The following ABCC9 variants were observed in gnomAD, a reference collection of about 807,000 sequenced individuals.
ABCC9 encodes the protein ATP-binding cassette sub-family C member 9.
ABCC9 carries 95 observed loss-of-function variants against 188.3 expected under a neutral mutation model. The observed-to-expected ratio is 0.50, with a 90% confidence interval of 0.43 to 0.60. ABCC9 has a LOEUF of 0.60. Among genes scored for constraint, ABCC9 ranks in the 20% least tolerant of loss-of-function variants. The pLI, the probability that ABCC9 is intolerant of heterozygous loss-of-function variation, is 0.00. For synonymous variants in ABCC9, 659 were observed against 652.7 expected (o/e 1.01, Z -0.15); for missense variants, 1,102 against 1,876.3 (o/e 0.59, Z 7.62).
Position 21,797,948 on chromosome 12 carries a change from C to T in ABCC9, c.*3096G>A, listed in dbSNP as rs1460891974. 1.3e-5 allele frequency: 2 copies of T among 152,054 alleles called. No individual in the cohort carries two copies. The highest frequency in any genetic ancestry group is 2.9e-5 in the Non-Finnish European group (2 of 67,996). The allele number at this position is 152,054 out of a possible 1,614,324, so 9.4% of individuals were successfully genotyped here. A position where few individuals can be genotyped will look rare whatever the true frequency, so the allele number is the denominator to read the frequency against. On this transcript the variant is annotated 3_prime_UTR_variant, in exon 40 of 40. Transcript: ENST00000261200. Reference sequence around the variant, plus strand: ...ATTTAGTTAAGGTGGTCATCTTTTACAGATATGTACCTATATAGTCAAATA... The same window carrying T: ...ATTTAGTTAAGGTGGTCATCTTTTATAGATATGTACCTATATAGTCAAATA...
At chr12:21,890,983 TA>T (rs1358594397) in intron 14 of ABCC9, among the ~76,000 whole-genome samples, 2,220 of 149,744 alleles carry the variant, frequency 0.015, 61 homozygotes, top group African/African-American at 0.05. Flanking sequence ...TAATAAAATT[TA>T]AAAAAAAAAA....
In ABCC9 at chr12:21,800,066, C is replaced by CTTGT. The variant is rs1941358393; in HGVS notation, c.*974_*977dup. The CTTGT allele has an allele frequency of 6.6e-6, 1 of 152,168 alleles. No homozygotes were observed. The highest frequency in any genetic ancestry group is 2.4e-5 in the African/African-American group (1 of 41,442). 9.4% of individuals were successfully genotyped at this position (152,168 alleles called of 1,614,324 possible). A position where few individuals can be genotyped will look rare whatever the true frequency, so the allele number is the denominator to read the frequency against. On this transcript the variant is annotated 3_prime_UTR_variant, in exon 40 of 40. Transcript: ENST00000261200. ...AAACTCTTTCAGCTAGAAATAGACA[C>CTTGT]TTGTTTTATATATATATAACTTCAA...
chr12:21,858,359 AG>A (rs1188768974), intron 22 of ABCC9, among the ~76,000 whole-genome samples: 2 of 152,106 alleles, frequency 1.3e-5, no homozygotes, highest in Admixed American at 1.3e-4. Flanking sequence ...GGATCACTTG[AG>A]GTCAGGAGTT....
At chr12:21,859,369 C>G (rs1235262683) in intron 22 of ABCC9, among the ~76,000 whole-genome samples, 2 of 152,158 alleles carry the variant, frequency 1.3e-5, no homozygotes, top group African/African-American at 4.8e-5. Context: ...GCATCTAAGT[C>G]TCTTGGACAC....
chr12:21,941,076 G>A lies in ABCC9; in HGVS notation c.-137+124C>T, dbSNP rs748229596. The A allele has an allele frequency of 1.3e-5, 2 of 152,194 alleles. No homozygotes were observed. The highest frequency in any genetic ancestry group is 2.9e-5 in the Non-Finnish European group (2 of 68,040). 9.4% of individuals were successfully genotyped at this position (152,194 alleles called of 1,614,324 possible). On this transcript the variant is annotated intron_variant, in intron 1 of 39. Coordinates refer to ENST00000261200, the MANE Select transcript of ABCC9 (RefSeq NM_020297.4). This position sits in a 1 kb window ranked among gnomAD's most constrained non-coding sequence, Gnocchi z 5.4. ...ATAGCGATCGCGAAAGCTAAGTGCC[G>A]AGAAGTGCGAGAGAGTGCGAGGGCG...
intron 16 of ABCC9, among the ~76,000 whole-genome samples, chr12:21,878,927 C>A (rs1007041909): frequency 6.6e-6 from 1 of 152,124 alleles, no homozygotes; most frequent in Non-Finnish European, 1.5e-5. Flanking sequence ...TCCTGACTTC[C>A]CCAACTAGAT....
chr12:21,859,587 A>G lies in ABCC9; in HGVS notation c.2504T>C (p.Leu835Ser), dbSNP rs1324181732. Residue 835 changes from leucine (L) to serine (S), a missense_variant and splice_region_variant, in exon 22 of 40, where the codon TTG becomes TCG. Leu to Ser is a moderately radical substitution (Grantham distance 145, BLOSUM62 -2). This residue lies in a region of ABCC9 where 31 missense variants were observed against 78.8 expected (regional missense o/e 0.39). Coordinates refer to ENST00000261200, the MANE Select transcript of ABCC9 (RefSeq NM_020297.4). ...TAAAAGGGAAGGCCATATTCTTACC[A>G]AAAAGACAATGTTGGTGTTTTGATA... Reference protein sequence around the residue: ...ALYQNTNIVFLDDPFSALDIH... With the variant: ...ALYQNTNIVFSDDPFSALDIH... The G allele has an allele frequency of 1.9e-6, 3 of 1,613,562 alleles. No homozygotes were observed. Among genetic ancestry groups the G allele is most frequent in the Non-Finnish European group, 2.5e-6 (3 of 1,179,540 alleles).
intron 39 of ABCC9, among the ~76,000 whole-genome samples, chr12:21,805,615 A>G (rs1215133737): frequency 1.3e-5 from 2 of 152,196 alleles, no homozygotes; most frequent in African/African-American, 2.4e-5. Context: ...TTAGGTATAG[A>G]TAGTAGCAGA....
intron 39 of ABCC9, among the ~76,000 whole-genome samples, chr12:21,801,630 T>C (rs1323172014): frequency 6.6e-6 from 1 of 152,204 alleles, no homozygotes; most frequent in Non-Finnish European, 1.5e-5. Flanking sequence ...GGGATGACAA[T>C]ATGGGGAAGT....
At chr12:21,820,719 A>G (rs1382828758) in intron 31 of ABCC9, among the ~76,000 whole-genome samples, 1 of 152,060 alleles carries the variant, frequency 6.6e-6, no homozygotes, top group Admixed American at 6.6e-5. Flanking sequence ...GCTTGTCGGT[A>G]GGTCTCTGAT....
At chr12:21,886,484 C>G (rs2137681069) in intron 15 of ABCC9, among the ~76,000 whole-genome samples, 1 of 152,190 alleles carries the variant, frequency 6.6e-6, no homozygotes, top group African/African-American at 2.4e-5. Context: ...ACCAAAAGCT[C>G]TAATTCTAAC....
At chr12:21,898,330 A>G (rs770988573) in intron 12 of ABCC9, among the ~76,000 whole-genome samples, 1 of 152,116 alleles carries the variant, frequency 6.6e-6, no homozygotes, top group Non-Finnish European at 1.5e-5. Context: ...CATCCTTCTT[A>G]TGAGAATTTC....
At chr12:21,873,624 A>G (rs1946188382) in intron 17 of ABCC9, among the ~76,000 whole-genome samples, 1 of 152,202 alleles carries the variant, frequency 6.6e-6, no homozygotes, top group South Asian at 2.1e-4. Flanking sequence ...TTAAGAAAGC[A>G]GAGCAAAGCT....
At chr12:21,836,817 TG>T (rs1192296353) in intron 30 of ABCC9, among the ~76,000 whole-genome samples, 1 of 152,066 alleles carries the variant, frequency 6.6e-6, no homozygotes, top group African/African-American at 2.4e-5. Context: ...ACATTCCAGT[TG>T]GAAAGGACAG....
chr12:21,876,310 A>G (rs953149026), intron 16 of ABCC9, among the ~76,000 whole-genome samples: 1 of 151,706 alleles, frequency 6.6e-6, no homozygotes, highest in Non-Finnish European at 1.5e-5. Flanking sequence ...ACATTTCCCA[A>G]TGAAATCTCT....
chr12:21,797,769 G>T lies in ABCC9; in HGVS notation c.*3275C>A, dbSNP rs1591905864. 1 of 152,112 alleles carries T rather than the reference G, an allele frequency of 6.6e-6. No individual in the cohort carries two copies. Among genetic ancestry groups the T allele is most frequent in the East Asian group, 1.9e-4 (1 of 5,196 alleles). The allele number at this position is 152,112 out of a possible 1,614,324, so 9.4% of individuals were successfully genotyped here. ...GTACAAAAATAGATGGTGCATAATT[G>T]TTTATACAAAGTCTTTTCCCTGTCA... On this transcript the variant is annotated 3_prime_UTR_variant, in exon 40 of 40. Coordinates refer to ENST00000261200, the MANE Select transcript of ABCC9 (RefSeq NM_020297.4).
chr12:21,880,339 T>A (rs190669979), intron 16 of ABCC9, among the ~76,000 whole-genome samples: 1 of 152,222 alleles, frequency 6.6e-6, no homozygotes, highest in Admixed American at 6.5e-5. Context: ...TAGGAAAAGT[T>A]TTCTTAAATA....
chr12:21,878,181 G>T (rs1251696979), intron 16 of ABCC9, among the ~76,000 whole-genome samples: 1 of 152,092 alleles, frequency 6.6e-6, no homozygotes, highest in Non-Finnish European at 1.5e-5. Flanking sequence ...TATATGTGTG[G>T]TATCAATGAA....
intron 12 of ABCC9, among the ~76,000 whole-genome samples, chr12:21,899,240 G>C (rs1240570903): frequency 6.6e-6 from 1 of 152,140 alleles, no homozygotes; most frequent in Non-Finnish European, 1.5e-5. Context: ...CATCTATTTA[G>C]GAAAAAACCG....
Sources: gnomAD v4.1 joint callset for allele counts (sites outside exome capture counted in the v4.1 genomes callset) on GRCh38, gnomAD v4.1.1 for gene constraint, gnomAD v4.1.1 regional missense constraint, Gnocchi (gnomAD v3.1) non-coding constraint, MANE v1.5 for transcripts, NCBI Gene and HGNC (gene_info 2026-07-23, HGNC 2026-07-21) for gene names.